KATNAL1: variants seen among roughly 807,000 people sequenced by gnomAD.
KATNAL1 encodes katanin catalytic subunit A1 like 1, also known as katanin p60 ATPase-containing subunit A-like 1.
KATNAL1 carries 32 observed loss-of-function variants against 55.2 expected under a neutral mutation model. The observed-to-expected ratio is 0.58, with a 90% CI of 0.44 to 0.78. The LOEUF is 0.78. Ranked by LOEUF, KATNAL1 falls within the 30% of genes least tolerant of loss-of-function variation. The pLI is 0.00. For synonymous variants in KATNAL1, 193 were observed against 193.6 expected (o/e 1.00, Z 0.02); for missense variants, 466 against 600.9 (o/e 0.78, Z 2.35).
chr13:30,240,866 G>C, intron 5 of KATNAL1, 93 bp downstream of exon 5: 1 of 1,139,990 alleles, frequency 8.8e-7, no homozygotes, highest in African/African-American at 1.6e-5. Context: ...GTCATAATCA[G>C]ATTAATGAAT....
rs118093333 is a variant in KATNAL1 at position 30,307,320 on chromosome 13, G to A, written c.-15+11C>T. ...TGTCTCGCCCTCGCCCCTTTCTCTC[G>A]GATTCATTACCCAGAAGGCGCAGGT... is the stretch of plus-strand genomic sequence containing the variant. On this transcript the variant is annotated intron_variant, in intron 1 of 10. Coordinates refer to ENST00000380615, the MANE Select transcript of KATNAL1 (RefSeq NM_032116.5). 1,897 of 153,076 alleles carry A rather than the reference G, an allele frequency of 0.012. 21 individuals are homozygous for A. Among genetic ancestry groups the A allele is most frequent in the Middle Eastern group, 0.047 (14 of 300 alleles). 9.5% of individuals were successfully genotyped at this position (153,076 alleles called of 1,614,324 possible). A position where few individuals can be genotyped will look rare whatever the true frequency, so the allele number is the denominator to read the frequency against.
chr13:30,283,293 G>GAAAAAAAA (rs1593945549), intron 2 of KATNAL1, among the ~76,000 whole-genome samples: 6 of 55,890 alleles, frequency 1.1e-4, no homozygotes, highest in Admixed American at 1.8e-4. Context: ...AAAAAAAAAG[G>GAAAAAAAA]AATGAATGAA....
At chr13:30,208,812 T>TG in intron 10 of KATNAL1, 74 bp from the exon 11 acceptor site, 2 of 1,028,352 alleles carry the variant, frequency 1.9e-6, no homozygotes, top group East Asian at 5.5e-5. Flanking sequence ...AACAAAGTTA[T>TG]GAAAAAAAAA....
intron 4 of KATNAL1, among the ~76,000 whole-genome samples, chr13:30,249,485 G>C (rs1878101840): frequency 6.6e-6 from 1 of 152,122 alleles, no homozygotes; most frequent in South Asian, 2.1e-4. Flanking sequence ...AGAGTCTCAA[G>C]CTAAAAGCAA....
intron 3 of KATNAL1, among the ~76,000 whole-genome samples, chr13:30,259,309 C>T (rs894619976): frequency 1.3e-5 from 2 of 151,844 alleles, no homozygotes; most frequent in Non-Finnish European, 2.9e-5. Flanking sequence ...CACTGCATTC[C>T]AGCCTGGGCC....
intron 6 of KATNAL1, among the ~76,000 whole-genome samples, chr13:30,235,303 G>C (rs1441464699): frequency 1.3e-5 from 2 of 152,228 alleles, no homozygotes; most frequent in Non-Finnish European, 2.9e-5. Context: ...CACTTACAGA[G>C]TAAGGTGAAA....
intron 1 of KATNAL1, among the ~76,000 whole-genome samples, chr13:30,292,841 A>G (rs1882224350): frequency 6.6e-6 from 1 of 152,194 alleles, no homozygotes; most frequent in Non-Finnish European, 1.5e-5. Flanking sequence ...ACTGAATCTT[A>G]GTTTGGAAAT....
chr13:30,264,851 GACCCAGCCATCCCAT>G (rs1173859320), intron 3 of KATNAL1, among the ~76,000 whole-genome samples: 2 of 133,776 alleles, frequency 1.5e-5, no homozygotes, highest in East Asian at 4.3e-4. Context: ...AATACCATTT[GACCCAGCCATCCCAT>G]TACTGGGTAT....
intron 1 of KATNAL1, among the ~76,000 whole-genome samples, chr13:30,288,290 G>A (rs183190157): frequency 5.5e-4 from 84 of 152,148 alleles, no homozygotes; most frequent in African/African-American, 1.9e-3. Flanking sequence ...TAGTATTTAC[G>A]TGCCATTATT....
At chr13:30,245,393 G>A (rs1161181805) in intron 4 of KATNAL1, among the ~76,000 whole-genome samples, 1 of 152,088 alleles carries the variant, frequency 6.6e-6, no homozygotes, top group East Asian at 1.9e-4. Context: ...AGGTATCGAT[G>A]GAACATATCT....
At chr13:30,262,835 T>C (rs866506940) in intron 3 of KATNAL1, among the ~76,000 whole-genome samples, 3,215 of 151,510 alleles carry the variant, frequency 0.021, 42 homozygotes, top group Non-Finnish European at 0.033. Context: ...TTCCAATCAA[T>C]AGAAAAAGAG....
intron 9 of KATNAL1, among the ~76,000 whole-genome samples, chr13:30,214,856 G>C (rs1297565452): frequency 1.3e-5 from 2 of 151,286 alleles, no homozygotes; most frequent in African/African-American, 2.4e-5. Context: ...TCAGGACATA[G>C]GCATGGGCAA....
rs530739876 is a variant in KATNAL1 at position 30,272,224 on chromosome 13, C to T, written c.323+7839G>A. On this transcript the variant is annotated intron_variant, in intron 3 of 10. Transcript: ENST00000380615. ...ATCAGCCTGACTGACATGGTGAAAC[C>T]CCGTCTCTACTAAAAATACAAAAAT... Among the ~76,000 whole-genome samples, 35 of 152,104 alleles carry T rather than the reference C, an allele frequency of 2.3e-4. No homozygotes were observed. In the South Asian group the frequency reaches 5.8e-3, roughly 25 times the overall value.
chr13:30,220,423 T>C (rs1007028244), intron 9 of KATNAL1, among the ~76,000 whole-genome samples: 1 of 151,786 alleles, frequency 6.6e-6, no homozygotes, highest in African/African-American at 2.4e-5. Flanking sequence ...ACCACGCCAC[T>C]GCACCCCAAC....
Position 30,259,567 on chromosome 13 carries a change from G to A in KATNAL1, c.324-3952C>T, listed in dbSNP as rs533994612. Among the ~76,000 whole-genome samples the A allele has an allele frequency of 3.0e-3, 458 of 152,156 alleles. 1 individual carries two copies. The highest frequency in any genetic ancestry group is 0.011 in the African/African-American group (442 of 41,498). ...AGGCATTGCCTCACTCGGGAAGAGC[G>A]AGGGGTCAGGGAGTTCCCTTTCCTA... On this transcript the variant is annotated intron_variant, in intron 3 of 10. Transcript: ENST00000380615.
intron 1 of KATNAL1, among the ~76,000 whole-genome samples, chr13:30,287,915 T>C (rs1453589298): frequency 1.3e-5 from 2 of 152,180 alleles, no homozygotes; most frequent in African/African-American, 4.8e-5. Context: ...ATGAAGGATA[T>C]TATATAACTA....
chr13:30,259,688 G>A (rs1376420560), intron 3 of KATNAL1, among the ~76,000 whole-genome samples: 1 of 152,224 alleles, frequency 6.6e-6, no homozygotes, highest in African/African-American at 2.4e-5. Context: ...GCGGCACCAG[G>A]AGATTATATC....
intron 4 of KATNAL1, among the ~76,000 whole-genome samples, chr13:30,243,744 G>A (rs573578499): frequency 4.0e-5 from 6 of 151,654 alleles, no homozygotes; most frequent in South Asian, 2.1e-4. Flanking sequence ...AAGCTACCAC[G>A]CATCGGAAAT....
In KATNAL1 at chr13:30,205,694, C is replaced by T. The variant is rs1212209568; in HGVS notation, c.*2846G>A. The T allele has an allele frequency of 6.8e-6, 1 of 146,962 alleles. No individual in the cohort carries two copies. The highest frequency in any genetic ancestry group is 1.5e-5 in the Non-Finnish European group (1 of 68,424). The allele number at this position is 146,962 out of a possible 1,614,324, so 9.1% of individuals were successfully genotyped here. A position where few individuals can be genotyped will look rare whatever the true frequency, so the allele number is the denominator to read the frequency against. On this transcript the variant is annotated 3_prime_UTR_variant, in exon 11 of 11. Transcript: ENST00000380615. The stretch of plus-strand genomic sequence containing the variant: ...TTAGGGCTGGGCACAGTGGCTCACG[C>T]CTGTAATCCAAGCACTCATTCTGGT...
Sources: gnomAD v4.1 joint callset for allele counts (sites outside exome capture counted in the v4.1 genomes callset) on GRCh38, gnomAD v4.1.1 for gene constraint, MANE v1.5 for transcripts, NCBI Gene and HGNC (gene_info 2026-07-23, HGNC 2026-07-21) for gene names.